The following ATP13A3 variants were observed in gnomAD, a reference collection of about 807,000 sequenced individuals.
ATP13A3 encodes the protein ATPase 13A3, also known as polyamine-transporting ATPase 13A3.
A neutral mutation model predicts 158.1 loss-of-function variants in ATP13A3; 59 were observed. The observed-to-expected ratio is 0.37, with a 90% confidence interval of 0.30 to 0.46. ATP13A3 has a LOEUF of 0.46. Among genes scored for constraint, ATP13A3 ranks in the 20% least tolerant of loss-of-function variants. ATP13A3 has a pLI of 1.00. For synonymous variants in ATP13A3, 491 were observed against 504.3 expected (o/e 0.97, Z 0.35); for missense variants, 1,166 against 1,525.2 (o/e 0.76, Z 3.92).
chr3:194,421,552 CAA>C (rs34760027), intron 30 of ATP13A3, among the ~76,000 whole-genome samples: 46 of 71,834 alleles, frequency 6.4e-4, no homozygotes, highest in Middle Eastern at 6.8e-3. Flanking sequence ...GACTCCATCT[CAA>C]AAAAAAAAAA....
At chr3:194,456,023 G>A in intron 7 of ATP13A3, 61 bp from the exon 8 acceptor site, 2 of 1,069,504 alleles carry the variant, frequency 1.9e-6, no homozygotes, top group Non-Finnish European at 1.3e-6. Context: ...ATTTACGAAA[G>A]GCATTGTATT....
Position 194,453,771 on chromosome 3 carries a change from A to C in ATP13A3, c.773T>G (p.Val258Gly). Residue 258 changes from valine (V) to glycine (G), a missense_variant, in exon 10 of 34, where the codon GTT becomes GGT. Physicochemically the swap from Val to Gly is moderately radical, Grantham distance 109. Around this residue, in one of 3 missense-constraint regions of ATP13A3, gnomAD observed 997 missense variants for 1,341.2 expected, o/e 0.74. Transcript: ENST00000645319. ...AGTTGCCACCATGTCATGCAACATA[A>C]CATATTGCTGAAAGAGGAAAAAGAA... is the stretch of plus-strand genomic sequence containing the variant. ...SSLYSIRKQY[V>G]MLHDMVATHS... is the part of the protein sequence containing the mutation. 1 of 1,613,116 alleles carries C rather than the reference A, an allele frequency of 6.2e-7. No homozygotes were observed. The highest frequency in any genetic ancestry group is 8.5e-7 in the Non-Finnish European group (1 of 1,179,206).
rs1718522535 is a variant in ATP13A3, at chr3:194,448,010, C to T, written c.1151-1G>A. 6.3e-7 allele frequency: 1 copy of T among 1,589,350 alleles called. No individual in the cohort carries two copies. The highest frequency in any genetic ancestry group is 1.8e-5 in the Admixed American group (1 of 55,794). The stretch of plus-strand genomic sequence containing the variant: ...AGCTGTCCTTTGGAAGTACTAAATC[C>T]TTTCAAAAAAAGAAGACAATTATTG... On this transcript the variant is annotated splice_acceptor_variant, in intron 12 of 33. Coordinates refer to ENST00000645319, the MANE Select transcript of ATP13A3 (RefSeq NM_001367549.1). LOFTEE classifies it high-confidence loss of function. The surrounding 1 kb of genome is among the most constrained non-coding windows in gnomAD (Gnocchi z 4.0).
rs1024043966 is a variant in ATP13A3, at chr3:194,486,807, C to T, written c.-330G>A. 2.6e-5 allele frequency: 4 copies of T among 151,182 alleles called. No individual in the cohort carries two copies. Among genetic ancestry groups the T allele is most frequent in the African/African-American group, 7.3e-5 (3 of 41,270 alleles). The allele number at this position is 151,182 out of a possible 1,614,324, so 9.4% of individuals were successfully genotyped here. Reference sequence around the variant, plus strand: ...CTCTCCTCCTCCTCCGCGCCCGCGGCGGCGGCGTGCAGCCGGCAGGGCGAG... The same window carrying T: ...CTCTCCTCCTCCTCCGCGCCCGCGGTGGCGGCGTGCAGCCGGCAGGGCGAG... On this transcript the variant is annotated 5_prime_UTR_variant, in exon 1 of 34. Coordinates refer to ENST00000645319, the MANE Select transcript of ATP13A3 (RefSeq NM_001367549.1).
intron 30 of ATP13A3, among the ~76,000 whole-genome samples, chr3:194,421,915 G>A (rs1177290512): frequency 4.5e-5 from 6 of 132,738 alleles, no homozygotes; most frequent in Non-Finnish European, 9.1e-5. Context: ...ACAGATTTGC[G>A]ACCTGGTTCT....
At chr3:194,454,619 G>C (rs1719071319) in intron 8 of ATP13A3, among the ~76,000 whole-genome samples, 1 of 122,336 alleles carries the variant, frequency 8.2e-6, no homozygotes, top group Non-Finnish European at 1.8e-5. Flanking sequence ...ATGAGGTCAG[G>C]AGATCAAAAC....
At chr3:194,443,682 A>G (rs1718199524) in intron 15 of ATP13A3, among the ~76,000 whole-genome samples, 1 of 152,164 alleles carries the variant, frequency 6.6e-6, no homozygotes, top group African/African-American at 2.4e-5. Flanking sequence ...CTGTCTCTCA[A>G]GCTATATACA....
chr3:194,419,684 C>T (rs781462672), intron 31 of ATP13A3, 195 bp downstream of exon 31: 38 of 745,738 alleles, frequency 5.1e-5, no homozygotes, highest in Admixed American at 6.3e-5. Context: ...CAAATGAAAA[C>T]GGCACCAGAA....
intron 30 of ATP13A3, chr3:194,424,542 G>A (rs755052120): frequency 4.6e-5 from 7 of 152,104 alleles, no homozygotes; most frequent in East Asian, 1.9e-4. Context: ...ATGACATACC[G>A]ATACCTGTGA....
At chr3:194,457,307 T>C (rs769734164) in intron 6 of ATP13A3, 133 bp from the exon 7 acceptor site, 7 of 604,362 alleles carry the variant, frequency 1.2e-5, no homozygotes, top group African/African-American at 5.7e-5. Context: ...TTAACAAAAA[T>C]TGAGATAACA....
At chr3:194,406,823 C>T (rs549691079) in intron 33 of ATP13A3, among the ~76,000 whole-genome samples, 4 of 152,270 alleles carry the variant, frequency 2.6e-5, no homozygotes, top group East Asian at 1.9e-4. Flanking sequence ...ATGTCAATTA[C>T]GTCTTTTAAA....
At chr3:194,467,623 A>T (rs772081858) in intron 2 of ATP13A3, among the ~76,000 whole-genome samples, 2 of 152,196 alleles carry the variant, frequency 1.3e-5, no homozygotes, top group Non-Finnish European at 2.9e-5. Flanking sequence ...CACTTTTCAC[A>T]TAAACTTTTA....
At chr3:194,407,119 A>G (rs1714996119) in intron 33 of ATP13A3, among the ~76,000 whole-genome samples, 1 of 152,224 alleles carries the variant, frequency 6.6e-6, no homozygotes, top group Non-Finnish European at 1.5e-5. Context: ...GTCTCAATTG[A>G]AATTTGAAAT....
chr3:194,435,962 T>A (rs562739868), intron 20 of ATP13A3, among the ~76,000 whole-genome samples: 1 of 152,166 alleles, frequency 6.6e-6, no homozygotes, highest in African/African-American at 2.4e-5. Flanking sequence ...TGGGGGAAAA[T>A]GGCAAAGGCA....
chr3:194,409,269 A>G (rs1294837165), intron 33 of ATP13A3, among the ~76,000 whole-genome samples: 1 of 152,360 alleles, frequency 6.6e-6, no homozygotes, highest in South Asian at 2.1e-4. Context: ...TGGTTTTCAT[A>G]AGTCTTCTTC....
At chr3:194,423,648 A>C (rs976006155) in intron 30 of ATP13A3, among the ~76,000 whole-genome samples, 1 of 152,254 alleles carries the variant, frequency 6.6e-6, no homozygotes, top group Non-Finnish European at 1.5e-5. Context: ...TTTTATGGTT[A>C]TATTTCTGCT....
chr3:194,438,521 A>T (rs896666480), intron 17 of ATP13A3, among the ~76,000 whole-genome samples: 5 of 152,280 alleles, frequency 3.3e-5, no homozygotes, highest in Admixed American at 2.6e-4. Context: ...ACTGAGAATT[A>T]TATCTCAACA....
At chr3:194,441,200 C>G (rs1462987544) in intron 16 of ATP13A3, 111 bp downstream of exon 16, 1 of 853,652 alleles carries the variant, frequency 1.2e-6, no homozygotes, top group Non-Finnish European at 1.8e-6. Flanking sequence ...TTTTAGGGTA[C>G]AAGATAGACT....
At chr3:194,417,958 C>CGGACGGAAGGAAGGAAGGAA (rs1553795805) in intron 31 of ATP13A3, among the ~76,000 whole-genome samples, 1 of 76,786 alleles carries the variant, frequency 1.3e-5, no homozygotes, top group Admixed American at 1.7e-4. Flanking sequence ...GACGGACGGA[C>CGGACGGAAGGAAGGAAGGAA]GGAAGGAAGG....
Sources: allele counts gnomAD v4.1 joint callset (sites outside exome capture counted in the v4.1 genomes callset), GRCh38; gene constraint gnomAD v4.1.1; regional missense constraint gnomAD v4.1.1; non-coding constraint Gnocchi (gnomAD v3.1); transcripts MANE v1.5; gene names NCBI Gene and HGNC (gene_info 2026-07-23, HGNC 2026-07-21).